The following SS18 variants were observed in gnomAD, a reference collection of about 807,000 sequenced individuals.
The protein encoded by SS18 is SS18 subunit of BAF chromatin remodeling complex.
Under a neutral mutation model 72.5 loss-of-function variants are expected in SS18, and 28 were observed. The ratio of observed to expected loss-of-function variants is 0.39; its 90% CI spans 0.29 to 0.53. SS18 has a LOEUF of 0.53. Ranked by LOEUF, SS18 falls within the 20% of genes least tolerant of loss-of-function variation. The pLI, the probability that SS18 is intolerant of heterozygous loss-of-function variation, is 0.76. For missense variants in SS18, 518 were observed against 535.3 expected, an observed-to-expected ratio of 0.97 and a Z score of 0.32; for synonymous variants, 172 against 164.2, an observed-to-expected ratio of 1.05 and a Z score of -0.37.
intron 3 of SS18, among the ~76,000 whole-genome samples, chr18:26,071,927 T>C (rs565949129): frequency 6.6e-6 from 1 of 151,258 alleles, no homozygotes; most frequent in South Asian, 2.1e-4. Flanking sequence ...AGCAAAGCAG[T>C]GCTAAAGGAA....
chr18:26,082,329 T>C (rs2054539137), intron 2 of SS18: 1 of 901,580 alleles, frequency 1.1e-6, no homozygotes, highest in Admixed American at 6.2e-5. Context: ...AAAATTAAGC[T>C]GGAAGTAATT....
At chr18:26,065,407 C>T (rs949193604) in intron 3 of SS18, among the ~76,000 whole-genome samples, 12 of 152,034 alleles carry the variant, frequency 7.9e-5, no homozygotes, top group Admixed American at 2.0e-4. Context: ...ACTGTCACAA[C>T]GAAACAACTT....
intron 4 of SS18, among the ~76,000 whole-genome samples, chr18:26,053,906 G>C (rs2053966779): frequency 2.0e-5 from 3 of 152,182 alleles, no homozygotes; most frequent in Admixed American, 1.3e-4. Context: ...GTGGGATCAA[G>C]CTTGAGGAAA....
In SS18 at chr18:26,039,421, A is replaced by G. The variant is rs1427386051; in HGVS notation, c.643T>C (p.Tyr215His). 8.7e-6 allele frequency: 14 copies of G among 1,613,786 alleles called. No homozygotes were observed. The highest frequency in any genetic ancestry group is 1.2e-5 in the Non-Finnish European group (14 of 1,179,792). The change falls in exon 6 of 11, where the codon TAC (tyrosine) becomes CAC (histidine). Residue 215 changes from tyrosine to histidine, a missense_variant. By Grantham distance (83) the Tyr-to-His change is moderately conservative. Transcript: ENST00000415083. ...MMHQQPPSQQ[Y>H]NMPQGGGQHY... ...TGTCCGCCTCCCTGTGGCATATTGT[A>G]TTGCTGAGAAGGAGGCTGCTGATGC...
chr18:26,052,835 A>G lies in SS18; in HGVS notation c.396T>C (p.His132=), dbSNP rs2053946926. ...TGGGTCCAGGTCCCTGCATAGGCAT[A>G]TGGTTAGGCCCTTTGAAGAAAAATG... The part of the protein sequence containing the change: ...QMNGQMPGPN[H]MPMQGPGPNQ... The change falls in exon 5 of 11, where the codon CAT becomes CAC. Residue 132 remains histidine (H), a synonymous_variant. Transcript: ENST00000415083. 6.2e-7 allele frequency: 1 copy of G among 1,614,106 alleles called. No homozygotes were observed.
chr18:26,083,617 T>C lies in SS18; in HGVS notation c.146+3884A>G, dbSNP rs116336672. 4.5e-3 allele frequency among the ~76,000 whole-genome samples: 679 copies of C among 152,270 alleles called. 4 individuals are homozygous for C. Among genetic ancestry groups the C allele is most frequent in the African/African-American group, 0.015 (641 of 41,542 alleles). On this transcript the variant is annotated intron_variant, in intron 2 of 10. Coordinates refer to ENST00000415083, the MANE Select transcript of SS18 (RefSeq NM_001007559.3). ...CTGTACTGAACTGAATGGTAAGTAT[T>C]TGTTTATCTACAATTATCCAAATAG...
At chr18:26,033,671 T>C (rs1307077532) in intron 9 of SS18, among the ~76,000 whole-genome samples, 2 of 152,144 alleles carry the variant, frequency 1.3e-5, no homozygotes, top group Non-Finnish European at 2.9e-5. Context: ...TTATTTATTA[T>C]ATATTCAATT....
chr18:26,071,384 C>A (rs764985910), intron 3 of SS18, among the ~76,000 whole-genome samples: 17 of 152,168 alleles, frequency 1.1e-4, no homozygotes, highest in Non-Finnish European at 1.9e-4. Context: ...CTCTTAAATG[C>A]AGTCAAATAA....
intron 5 of SS18, among the ~76,000 whole-genome samples, chr18:26,050,021 T>C (rs879382753): frequency 2.6e-5 from 4 of 152,182 alleles, no homozygotes; most frequent in Admixed American, 6.5e-5. Flanking sequence ...CTGAGGTGGA[T>C]GGATGGCTTG....
chr18:26,078,064 A>T lies in SS18; in HGVS notation c.231+12T>A, dbSNP rs1370863757. On this transcript the variant is annotated intron_variant, in intron 3 of 10. Coordinates refer to ENST00000415083, the MANE Select transcript of SS18 (RefSeq NM_001007559.3). ...AAGATTGTCTACTTCACATGATTTTAAAGATACTTACTGCTGGTAAAAGAG... is the reference window on the plus strand; with the variant it reads ...AAGATTGTCTACTTCACATGATTTTTAAGATACTTACTGCTGGTAAAAGAG... The T allele has an allele frequency of 6.3e-7, 1 of 1,584,604 alleles. No homozygotes were observed. Among genetic ancestry groups the T allele is most frequent in the Non-Finnish European group, 8.6e-7 (1 of 1,156,334 alleles).
At chr18:26,072,625 T>C (rs2054332294) in intron 3 of SS18, among the ~76,000 whole-genome samples, 1 of 151,608 alleles carries the variant, frequency 6.6e-6, no homozygotes, top group African/African-American at 2.4e-5. Flanking sequence ...GTGAAACCCC[T>C]TCTCTGTTAA....
intron 10 of SS18, among the ~76,000 whole-genome samples, chr18:26,027,308 T>C (rs1365092706): frequency 1.3e-5 from 2 of 152,104 alleles, no homozygotes; most frequent in South Asian, 2.1e-4. Context: ...CACATGTTTA[T>C]GGACAACTGA....
At chr18:26,040,456 C>G (rs1161946975) in intron 5 of SS18, among the ~76,000 whole-genome samples, 1 of 152,082 alleles carries the variant, frequency 6.6e-6, no homozygotes, top group Non-Finnish European at 1.5e-5. Context: ...GCTACATACT[C>G]CTCCTCCCCC....
chr18:26,045,142 G>A (rs12968683), intron 5 of SS18, among the ~76,000 whole-genome samples: 9,623 of 152,154 alleles, frequency 0.063, 329 homozygotes, highest in East Asian at 0.12. Flanking sequence ...CTCTTAACAG[G>A]TCTCCCTATT....
At chr18:26,070,558 A>C (rs1427255165) in intron 3 of SS18, among the ~76,000 whole-genome samples, 2 of 152,216 alleles carry the variant, frequency 1.3e-5, no homozygotes, top group Non-Finnish European at 2.9e-5. Flanking sequence ...TGAAACTAAG[A>C]AGTAAAATGC....
At chr18:26,085,310 C>A (rs1181287422) in intron 2 of SS18, among the ~76,000 whole-genome samples, 1 of 152,180 alleles carries the variant, frequency 6.6e-6, no homozygotes, top group Admixed American at 6.5e-5. Context: ...GCTGGGATTT[C>A]AGGCATGAAC....
At chr18:26,089,218 A>T (rs868220545) in intron 1 of SS18, among the ~76,000 whole-genome samples, 1 of 145,432 alleles carries the variant, frequency 6.9e-6, no homozygotes, top group Non-Finnish European at 1.5e-5. Flanking sequence ...CAGAAACTAT[A>T]AAAAAAAAAG....
intron 2 of SS18, chr18:26,082,373 T>C (rs963392754): frequency 7.4e-6 from 7 of 946,136 alleles, no homozygotes; most frequent in African/African-American, 3.5e-5. Context: ...CTAGAAGCTA[T>C]GAATATTTAT....
intron 6 of SS18, among the ~76,000 whole-genome samples, chr18:26,039,066 C>T (rs553888790): frequency 5.4e-5 from 8 of 147,564 alleles, no homozygotes; most frequent in East Asian, 4.0e-4. Flanking sequence ...AGTGAGCTTT[C>T]GATATAAAAT....
Sources: gnomAD v4.1 joint callset for allele counts (sites outside exome capture counted in the v4.1 genomes callset) on GRCh38, gnomAD v4.1.1 for gene constraint, MANE v1.5 for transcripts, NCBI Gene and HGNC (gene_info 2026-07-23, HGNC 2026-07-21) for gene names.